The following MC4R variants were observed in gnomAD, a reference collection of about 807,000 sequenced individuals.
MC4R encodes the protein melanocortin receptor 4.
A neutral mutation model predicts 16.1 loss-of-function variants in MC4R; 15 were observed. That is an observed-to-expected ratio of 0.93 (90% CI 0.62 to 1.44). MC4R has a LOEUF of 1.44. MC4R is among the 40% of genes most tolerant of loss of function. The pLI, the probability that MC4R is intolerant of heterozygous loss-of-function variation, is 0.00. For missense variants in MC4R, 416 were observed against 411.4 expected (o/e 1.01, Z -0.10); for synonymous variants, 162 against 151.7 (o/e 1.07, Z -0.50).
Position 60,371,086 on chromosome 18 carries a change from A to C in MC4R, c.*265T>G. On this transcript the variant is annotated 3_prime_UTR_variant, in exon 1 of 1. Transcript: ENST00000299766. ...AGACATTGTTAAGCTTTTAATAAGG[A>C]CTTTTCTTTTTGTAAATCCACAGTG... 1 of 449,050 alleles carries C rather than the reference A, an allele frequency of 2.2e-6. No individual in the cohort carries two copies. The highest frequency in any genetic ancestry group is 4.1e-6 in the Non-Finnish European group (1 of 244,006). 27.8% of individuals were successfully genotyped at this position (449,050 alleles called of 1,614,324 possible). A position where few individuals can be genotyped will look rare whatever the true frequency, so the allele number is the denominator to read the frequency against.
Position 60,371,697 on chromosome 18 carries a change from A to G in MC4R, c.653T>C (p.Met218Thr), listed in dbSNP as rs775043984. The change falls in exon 1 of 1, where the codon ATG becomes ACG. Residue 218 changes from methionine (M) to threonine (T), a missense_variant. Met to Thr is a moderately conservative substitution (Grantham distance 81). Coordinates refer to ENST00000299766, the MANE Select transcript of MC4R (RefSeq NM_005912.3). ...AATCCTCTTAATGTGAAGCCTGGCC[A>G]TCAGGAACATGTGGACATAGAGAGA... ...MASLYVHMFL[M>T]ARLHIKRIAV... is the part of the protein sequence containing the mutation. 6.8e-6 allele frequency: 11 copies of G among 1,614,108 alleles called. No homozygotes were observed. The East Asian group carries it at 2.0e-4, about 29-fold the overall frequency.
chr18:60,372,411 C>T lies in MC4R; in HGVS notation c.-62G>A. The stretch of plus-strand genomic sequence containing the variant: ...TTAACCTCCTGGGTCAGGGAGTCGT[C>T]TCAGTTATTTCCTCCAAGTCTTTAT... On this transcript the variant is annotated 5_prime_UTR_variant, in exon 1 of 1. Coordinates refer to ENST00000299766, the MANE Select transcript of MC4R (RefSeq NM_005912.3). 6.4e-7 allele frequency: 1 copy of T among 1,570,772 alleles called. No homozygotes were observed. The highest frequency in any genetic ancestry group is 8.7e-7 in the Non-Finnish European group (1 of 1,147,694).
chr18:60,372,373 C>T lies in MC4R; in HGVS notation c.-24G>A, dbSNP rs1320862682. 1 of 1,613,066 alleles carries T rather than the reference C, an allele frequency of 6.2e-7. No individual in the cohort carries two copies. On this transcript the variant is annotated 5_prime_UTR_variant, in exon 1 of 1. Coordinates refer to ENST00000299766, the MANE Select transcript of MC4R (RefSeq NM_005912.3). ...ATGCTGGCAGGAGAATTCCAGTGTC[C>T]CCCTGAATTGATTTAACCTCCTGGG...
In MC4R at chr18:60,371,311, T is replaced by C. The variant is rs1915330503; in HGVS notation, c.*40A>G. On this transcript the variant is annotated 3_prime_UTR_variant, in exon 1 of 1. Transcript: ENST00000299766. ...TTCAGGTAGGGTAAGAGTGAAAAAG[T>C]CTCTTATGCATGTTCCTATATTGCG... 1.2e-6 allele frequency: 2 copies of C among 1,606,140 alleles called. No individual in the cohort carries two copies. The highest frequency in any genetic ancestry group is 2.7e-5 in the African/African-American group (2 of 74,760).
chr18:60,371,178 A>C lies in MC4R; in HGVS notation c.*173T>G. The C allele has an allele frequency of 1.5e-6, 1 of 687,240 alleles. No individual in the cohort carries two copies. The highest frequency in any genetic ancestry group is 1.8e-5 in the South Asian group (1 of 55,972). The allele number at this position is 687,240 out of a possible 1,614,324, so 42.6% of individuals were successfully genotyped here. A position where few individuals can be genotyped will look rare whatever the true frequency, so the allele number is the denominator to read the frequency against. ...AGTAGCATGACATTGGAAATAATAC[A>C]GAGACTGGGCATTTTTTCTCATTAA... On this transcript the variant is annotated 3_prime_UTR_variant, in exon 1 of 1. Transcript: ENST00000299766.
In MC4R at chr18:60,372,035, G is replaced by A. The variant is rs866119201; in HGVS notation, c.315C>T (p.Thr105=). ...CATCCGTATCTGTACTGTTTAATAG[G>A]GTGATGACAATGGTTTCTGATCCAT... The part of the protein sequence containing the change: ...VSNGSETIVI[T]LLNSTDTDAQ... Residue 105 remains threonine (T), a synonymous_variant, in exon 1 of 1, where the codon ACC becomes ACT. Coordinates refer to ENST00000299766, the MANE Select transcript of MC4R (RefSeq NM_005912.3). 2 of 1,614,088 alleles carry A rather than the reference G, an allele frequency of 1.2e-6. No individual in the cohort carries two copies.
chr18:60,371,109 G>T lies in MC4R; in HGVS notation c.*242C>A. 2.0e-6 allele frequency: 1 copy of T among 498,868 alleles called. No homozygotes were observed. Among genetic ancestry groups the T allele is most frequent in the Non-Finnish European group, 3.6e-6 (1 of 275,876 alleles). The allele number at this position is 498,868 out of a possible 1,614,324, so 30.9% of individuals were successfully genotyped here. A position where few individuals can be genotyped will look rare whatever the true frequency, so the allele number is the denominator to read the frequency against. Reference sequence around the variant, plus strand: ...GGACTTTTCTTTTTGTAAATCCACAGTGCCTACAACCTATAACATAGATTC... The same window carrying T: ...GGACTTTTCTTTTTGTAAATCCACATTGCCTACAACCTATAACATAGATTC... On this transcript the variant is annotated 3_prime_UTR_variant, in exon 1 of 1. Coordinates refer to ENST00000299766, the MANE Select transcript of MC4R (RefSeq NM_005912.3).
At position 60,371,643 on chromosome 18, in the gene MC4R, CG is replaced by C. The variant is rs1568178659; in HGVS notation, c.706del (p.Arg236AlafsTer6). 6.2e-7 allele frequency: 1 copy of C among 1,614,174 alleles called. No homozygotes were observed. Among genetic ancestry groups the C allele is most frequent in the South Asian group, 1.1e-5 (1 of 91,078 alleles). On this transcript the variant is annotated frameshift_variant, in exon 1 of 1. Coordinates refer to ENST00000299766, the MANE Select transcript of MC4R (RefSeq NM_005912.3). LOFTEE classifies it high-confidence loss of function. ...IAVLPGTGAI[R>X]QGANMKGAIT... The stretch of plus-strand genomic sequence containing the variant: ...CGCTCCCTTCATATTGGCACCTTGG[CG>C]GATGGCACCAGTGCCGGGGAGGACA...
In MC4R at chr18:60,372,156, A is replaced by T. The variant is rs1915360985; in HGVS notation, c.194T>A (p.Val65Glu). 1 of 1,614,156 alleles carries T rather than the reference A, an allele frequency of 6.2e-7. No homozygotes were observed. The highest frequency in any genetic ancestry group is 8.5e-7 in the Non-Finnish European group (1 of 1,180,060). Residue 65 changes from valine (V) to glutamate (E), a missense_variant, in exon 1 of 1, where the codon GTG becomes GAG. Coordinates refer to ENST00000299766, the MANE Select transcript of MC4R (RefSeq NM_005912.3). ...CTTGTTCTTGGCTATTGCCACAATC[A>T]CTAAGATATTCTCCAACAAGCTGAT... ...GVISLLENIL[V>E]IVAIAKNKNL... is the part of the protein sequence containing the mutation.
In MC4R at chr18:60,371,875, T is replaced by C; in HGVS notation, c.475A>G (p.Asn159Asp). 6.2e-7 allele frequency: 1 copy of C among 1,614,188 alleles called. No individual in the cohort carries two copies. The highest frequency in any genetic ancestry group is 8.5e-7 in the Non-Finnish European group (1 of 1,180,040). ...CCAACCCGCTTAACTGTCATAATGTTATGGTACTGGAGAGCATAGAAGATA... is the reference window on the plus strand; with the variant it reads ...CCAACCCGCTTAACTGTCATAATGTCATGGTACTGGAGAGCATAGAAGATA... Reference protein sequence around the residue: ...FTIFYALQYHNIMTVKRVGII... With the variant: ...FTIFYALQYHDIMTVKRVGII... The change falls in exon 1 of 1, where the codon AAC becomes GAC. Residue 159 changes from asparagine (N) to aspartate (D), a missense_variant. Coordinates refer to ENST00000299766, the MANE Select transcript of MC4R (RefSeq NM_005912.3).
In MC4R at chr18:60,371,619, G is replaced by A. The variant is rs13447335; in HGVS notation, c.731C>T (p.Ala244Val). ...GCCAATCAGGATGGTCAAGGTAATC[G>A]CTCCCTTCATATTGGCACCTTGGCG... Reference protein sequence around the residue: ...AIRQGANMKGAITLTILIGVF... With the variant: ...AIRQGANMKGVITLTILIGVF... Residue 244 changes from alanine (A) to valine (V), a missense_variant, in exon 1 of 1, where the codon GCG becomes GTG. Transcript: ENST00000299766. 3.5e-5 allele frequency: 56 copies of A among 1,614,070 alleles called. No individual in the cohort carries two copies. Among genetic ancestry groups the A allele is most frequent in the Non-Finnish European group, 4.5e-5 (53 of 1,180,038 alleles).
rs750959864 is a variant in MC4R, at chr18:60,371,895, A to G, written c.455T>C (p.Phe152Ser). 6.2e-7 allele frequency: 1 copy of G among 1,614,172 alleles called. No individual in the cohort carries two copies. The highest frequency in any genetic ancestry group is 8.5e-7 in the Non-Finnish European group (1 of 1,180,034). The change falls in exon 1 of 1, where the codon TTC becomes TCC. Residue 152 changes from phenylalanine (F) to serine (S), a missense_variant. Coordinates refer to ENST00000299766, the MANE Select transcript of MC4R (RefSeq NM_005912.3). ...AATGTTATGGTACTGGAGAGCATAG[A>G]AGATAGTAAAGTACCTGTCCACTGC... The part of the protein sequence containing the change: ...SIAVDRYFTI[F>S]YALQYHNIMT...
rs545718295 is a variant in MC4R at position 60,372,259 on chromosome 18, G to A, written c.91C>T (p.Leu31Phe). Residue 31 changes from leucine to phenylalanine, a missense_variant, in exon 1 of 1, where the codon CTT becomes TTT. Leu to Phe is a conservative substitution (Grantham distance 22). Transcript: ENST00000299766. ...YRLHSNASESLGKGYSDGGCY... is the reference protein window; with the variant it reads ...YRLHSNASESFGKGYSDGGCY... ...CCTCCATCAGAGTAGCCTTTTCCAAGGGACTCACTGGCATTGCTGTGCAGT... is the reference window on the plus strand; with the variant it reads ...CCTCCATCAGAGTAGCCTTTTCCAAAGGACTCACTGGCATTGCTGTGCAGT... 1 of 1,614,200 alleles carries A rather than the reference G, an allele frequency of 6.2e-7. No homozygotes were observed. Among genetic ancestry groups the A allele is most frequent in the African/African-American group, 1.3e-5 (1 of 75,044 alleles).
Position 60,371,959 on chromosome 18 carries a change from T to C in MC4R, c.391A>G (p.Ser131Gly). Reference sequence around the variant, plus strand: ...CTGCAAATGGATGCAAGCAAGGAGCTACAGATCACCGAGTCAATGACATTA... The same window carrying C: ...CTGCAAATGGATGCAAGCAAGGAGCCACAGATCACCGAGTCAATGACATTA... ...IDNVIDSVIC[S>G]SLLASICSLL... Residue 131 changes from serine to glycine, a missense_variant, in exon 1 of 1, where the codon AGC (serine) becomes GGC (glycine). Physicochemically the swap from Ser to Gly is moderately conservative, Grantham distance 56 (BLOSUM62 0). Transcript: ENST00000299766. 6.2e-7 allele frequency: 1 copy of C among 1,614,138 alleles called. No homozygotes were observed. The highest frequency in any genetic ancestry group is 8.5e-7 in the Non-Finnish European group (1 of 1,180,044).
Position 60,371,577 on chromosome 18 carries a change from C to G in MC4R, c.773G>C (p.Trp258Ser). 1 of 1,614,172 alleles carries G rather than the reference C, an allele frequency of 6.2e-7. No homozygotes were observed. The highest frequency in any genetic ancestry group is 8.5e-7 in the Non-Finnish European group (1 of 1,180,018). ...TILIGVFVVC[W>S]APFFLHLIFY... ...TATTAAGTGGAGGAAGAATGGGGCC[C>G]AGCAGACAACAAAGACGCCAATCAG... Residue 258 changes from tryptophan to serine, a missense_variant, in exon 1 of 1, where the codon TGG becomes TCG. Trp to Ser is a radical substitution (Grantham distance 177). Coordinates refer to ENST00000299766, the MANE Select transcript of MC4R (RefSeq NM_005912.3).
Position 60,372,123 on chromosome 18 carries a change from T to C in MC4R, c.227A>G (p.His76Arg), listed in dbSNP as rs199558727. 5.3e-5 allele frequency: 86 copies of C among 1,614,254 alleles called. No individual in the cohort carries two copies. Among genetic ancestry groups the C allele is most frequent in the Admixed American group, 1.7e-4 (10 of 60,030 alleles). The change falls in exon 1 of 1, where the codon CAT (histidine) becomes CGT (arginine). Residue 76 changes from histidine (H) to arginine (R), a missense_variant. Physicochemically the swap from His to Arg is conservative, Grantham distance 29. Coordinates refer to ENST00000299766, the MANE Select transcript of MC4R (RefSeq NM_005912.3). ...IVAIAKNKNL[H>R]SPMYFFICSL... ...GCAGATGAAAAAGTACATGGGTGAATGCAGATTCTTGTTCTTGGCTATTGC... is the reference window on the plus strand; with the variant it reads ...GCAGATGAAAAAGTACATGGGTGAACGCAGATTCTTGTTCTTGGCTATTGC...
In MC4R at chr18:60,371,660, G is replaced by C. The variant is rs148026669; in HGVS notation, c.690C>G (p.Pro230=). Residue 230 remains proline (P), a synonymous_variant, in exon 1 of 1, where the codon CCC becomes CCG. Coordinates refer to ENST00000299766, the MANE Select transcript of MC4R (RefSeq NM_005912.3). ...RLHIKRIAVL[P]GTGAIRQGAN... The stretch of plus-strand genomic sequence containing the variant: ...CACCTTGGCGGATGGCACCAGTGCC[G>C]GGGAGGACAGCAATCCTCTTAATGT... 2 of 1,614,024 alleles carry C rather than the reference G, an allele frequency of 1.2e-6. No individual in the cohort carries two copies. Among genetic ancestry groups the C allele is most frequent in the Non-Finnish European group, 1.7e-6 (2 of 1,180,018 alleles).
In MC4R at chr18:60,372,684, C is replaced by A; in HGVS notation, c.-335G>T. The A allele has an allele frequency of 2.7e-6, 1 of 364,862 alleles. No homozygotes were observed. Among genetic ancestry groups the A allele is most frequent in the Non-Finnish European group, 5.5e-6 (1 of 182,060 alleles). 22.6% of individuals were successfully genotyped at this position (364,862 alleles called of 1,614,324 possible). A position where few individuals can be genotyped will look rare whatever the true frequency, so the allele number is the denominator to read the frequency against. On this transcript the variant is annotated 5_prime_UTR_variant, in exon 1 of 1. An upstream start codon of the reference 5' UTR is lost. Coordinates refer to ENST00000299766, the MANE Select transcript of MC4R (RefSeq NM_005912.3). ...TCAAAATAATTTTCCTTGAAGCTGC[C>A]ATGCCATTGGGAGACGAATCTGTGC...
Position 60,371,071 on chromosome 18 carries a change from A to C in MC4R, c.*280T>G, listed in dbSNP as rs1915324792. 2.4e-6 allele frequency: 1 copy of C among 412,570 alleles called. No homozygotes were observed. The allele number at this position is 412,570 out of a possible 1,614,324, so 25.6% of individuals were successfully genotyped here. On this transcript the variant is annotated 3_prime_UTR_variant, in exon 1 of 1. Coordinates refer to ENST00000299766, the MANE Select transcript of MC4R (RefSeq NM_005912.3). ...TGAATAACACGAAGGAGACATTGTT[A>C]AGCTTTTAATAAGGACTTTTCTTTT...
Sources: gnomAD v4.1 joint callset for allele counts on GRCh38, gnomAD v4.1.1 for gene constraint, MANE v1.5 for transcripts, NCBI Gene and HGNC (gene_info 2026-07-23, HGNC 2026-07-21) for gene names.